The following PPP2R3B variants were observed in gnomAD, a reference collection of about 807,000 sequenced individuals.
PPP2R3B encodes serine/threonine-protein phosphatase 2A regulatory subunit B'' subunit beta.
PPP2R3B carries 68 observed loss-of-function variants against 72.9 expected under a neutral mutation model. The ratio of observed to expected loss-of-function variants is 0.93; its 90% CI spans 0.77 to 1.14. The LOEUF is 1.14. PPP2R3B is among the 50% of genes most tolerant of loss of function. The probability of loss-of-function intolerance (pLI) is 0.00; values close to 1 mark genes in which losing one functional copy is unlikely to be tolerated. For synonymous variants in PPP2R3B, 466 were observed against 375.8 expected, an observed-to-expected ratio of 1.24 and a Z score of -2.78; for missense variants, 1,018 against 842.0, an observed-to-expected ratio of 1.21 and a Z score of -2.59.
At chrX:352,566 C>CCACCTTGCTCTGTGTGGATCGTCTGCG (rs373218770) in intron 2 of PPP2R3B, among the ~76,000 whole-genome samples, 13 of 150,946 alleles carry the variant, frequency 8.6e-5, no homozygotes, top group Non-Finnish European at 1.6e-4. Context: ...GATCGTCTGC[C>CCACCTTGCTCTGTGTGGATCGTCTGCG]TGTGTACTGC....
At chrX:380,195 A>C (rs1222145597) in intron 1 of PPP2R3B, among the ~76,000 whole-genome samples, 2 of 152,214 alleles carry the variant, frequency 1.3e-5, no homozygotes, top group Non-Finnish European at 2.9e-5. Context: ...TAAGACACAA[A>C]AAATAAGAGT....
At chrX:360,469 G>T (rs2071516936) in intron 2 of PPP2R3B, among the ~76,000 whole-genome samples, 1 of 152,184 alleles carries the variant, frequency 6.6e-6, no homozygotes. Context: ...AGAAGGTGGA[G>T]GTTGCAGTGA....
chrX:373,309 G>A (rs1427731699), intron 1 of PPP2R3B, among the ~76,000 whole-genome samples: 1 of 152,218 alleles, frequency 6.6e-6, no homozygotes, highest in Non-Finnish European at 1.5e-5. Flanking sequence ...GCTTGGCACC[G>A]CTTCCCACAG....
At chrX:386,278 C>A in intron 1 of PPP2R3B, 90 bp downstream of exon 1, 1 of 1,122,862 alleles carries the variant, frequency 8.9e-7, no homozygotes, top group Non-Finnish European at 1.1e-6. Context: ...GGGTCTGACG[C>A]TCGCCCACCA....
chrX:341,506 C>G, intron 8 of PPP2R3B, 110 bp from the exon 9 acceptor site: 1 of 1,136,450 alleles, frequency 8.8e-7, no homozygotes, highest in Non-Finnish European at 1.3e-6. Context: ...GGGCCCGGCC[C>G]TCCTCCTGCC....
At position 339,023 on chromosome X, in the gene PPP2R3B, C is replaced by T. The variant is rs757716944; in HGVS notation, c.1352-127G>A. On this transcript the variant is annotated intron_variant, in intron 10 of 12. Transcript: ENST00000390665. The stretch of plus-strand genomic sequence containing the variant: ...CACGAAGCTCCGGGCTCTCACGCCA[C>T]GTGTTTGACGTGAAAGGCGGACACG... The T allele has an allele frequency of 2.6e-4, 208 of 787,124 alleles. 2 individuals are homozygous for T. Among genetic ancestry groups the T allele is most frequent in the South Asian group, 2.1e-3 (137 of 66,414 alleles). 48.8% of individuals were successfully genotyped at this position (787,124 alleles called of 1,614,324 possible).
chrX:341,908 T>C lies in PPP2R3B; in HGVS notation c.1060A>G (p.Arg354Gly), dbSNP rs768859697. 5.6e-6 allele frequency: 9 copies of C among 1,612,548 alleles called. No homozygotes were observed. The change falls in exon 8 of 13, where the codon AGG (arginine) becomes GGG (glycine). Residue 354 changes from arginine (R) to glycine (G), a missense_variant. Arg to Gly is a moderately radical substitution (Grantham distance 125, BLOSUM62 -2). Transcript: ENST00000390665. The stretch of plus-strand genomic sequence containing the variant: ...CGTGTGACTGCTCCTGAGAAGATCC[T>C]GTCTATCATCTTGGTAGAAAGGGCT... ...DHALSTKMID[R>G]IFSGAVTRGR...
At chrX:359,360 G>A (rs186232279) in intron 2 of PPP2R3B, among the ~76,000 whole-genome samples, 34 of 152,312 alleles carry the variant, frequency 2.2e-4, no homozygotes, top group Non-Finnish European at 3.5e-4. Context: ...GCCAGGGCAC[G>A]GAGCAGGTGC....
chrX:345,448 C>T lies in PPP2R3B; in HGVS notation c.1036+68G>A, dbSNP rs758130594. ...TGCGGAAGGAGAGGCAGCTGCAGAC[C>T]CGCAGGCCCTGAGAGAAGGGTGTGC... On this transcript the variant is annotated intron_variant, in intron 7 of 12. Transcript: ENST00000390665. 5.3e-5 allele frequency: 85 copies of T among 1,597,788 alleles called. 1 individual carries two copies. The South Asian group carries it at 9.1e-4, about 17-fold the overall frequency.
intron 2 of PPP2R3B, among the ~76,000 whole-genome samples, chrX:348,562 A>G (rs2071270116): frequency 7.7e-6 from 1 of 129,610 alleles, no homozygotes; most frequent in African/African-American, 2.8e-5. Flanking sequence ...GGTGACAGAG[A>G]GAGACTCTGT....
At chrX:363,077 C>T (rs150516344) in intron 1 of PPP2R3B, among the ~76,000 whole-genome samples, 1,547 of 152,206 alleles carry the variant, frequency 0.01, 32 homozygotes, top group African/African-American at 0.035. Flanking sequence ...AGGCCGCCTC[C>T]GTGACCTGGG....
At chrX:354,820 C>T (rs2071406186) in intron 2 of PPP2R3B, among the ~76,000 whole-genome samples, 1 of 152,142 alleles carries the variant, frequency 6.6e-6, no homozygotes, top group Non-Finnish European at 1.5e-5. Context: ...CCACTGCACT[C>T]CAGCCCGGGG....
chrX:352,372 G>A (rs1025638885), intron 2 of PPP2R3B, among the ~76,000 whole-genome samples: 15 of 152,344 alleles, frequency 9.8e-5, no homozygotes, highest in Non-Finnish European at 1.3e-4. Context: ...CGGCCCCTCC[G>A]CAGTCCGCTA....
chrX:346,702 G>A lies in PPP2R3B; in HGVS notation c.791C>T (p.Thr264Met), dbSNP rs777338489. The change falls in exon 5 of 13, where the codon ACG (threonine) becomes ATG (methionine). Residue 264 changes from threonine to methionine, a missense_variant and splice_region_variant. By Grantham distance (81) the Thr-to-Met change is moderately conservative. Transcript: ENST00000390665. ...ACGGCCCCTCCGCTGGGGACCCACC[G>A]TGGTGATGTAGCGCGAGTGGAACTC... Reference protein sequence around the residue: ...ASEFHSRYITTVIQRIFYAVN... With the variant: ...ASEFHSRYITMVIQRIFYAVN... 1.9e-5 allele frequency: 31 copies of A among 1,607,704 alleles called. No homozygotes were observed. Among genetic ancestry groups the A allele is most frequent in the Non-Finnish European group, 2.5e-5 (30 of 1,177,142 alleles).
intron 2 of PPP2R3B, among the ~76,000 whole-genome samples, chrX:351,011 CG>C (rs755746174): frequency 6.6e-6 from 1 of 151,822 alleles, no homozygotes; most frequent in African/African-American, 2.4e-5. Context: ...GGAGTGACCA[CG>C]GGGGGGCGTG....
At chrX:361,298 G>A (rs1303299178) in intron 2 of PPP2R3B, 107 bp downstream of exon 2, 22 of 1,244,396 alleles carry the variant, frequency 1.8e-5, no homozygotes, top group African/African-American at 4.7e-5. Flanking sequence ...CGGCCGTGCC[G>A]CCTCACTCAC....
intron 1 of PPP2R3B, among the ~76,000 whole-genome samples, chrX:364,189 C>T (rs1168453137): frequency 6.6e-6 from 1 of 152,234 alleles, no homozygotes; most frequent in East Asian, 1.9e-4. Flanking sequence ...AACGCGTCAC[C>T]TTCAGTGGGA....
chrX:360,880 C>G (rs757119867), intron 2 of PPP2R3B, among the ~76,000 whole-genome samples: 15 of 152,314 alleles, frequency 9.8e-5, no homozygotes, highest in African/African-American at 3.6e-4. Flanking sequence ...GGAGAGCATG[C>G]AGCTGAGAAG....
chrX:385,281 CTCA>C, intron 1 of PPP2R3B, among the ~76,000 whole-genome samples: 1 of 148,540 alleles, frequency 6.7e-6, no homozygotes, highest in East Asian at 2.0e-4. Flanking sequence ...AAATTCCCGT[CTCA>C]TCTTTTCTTC....
Sources: allele counts gnomAD v4.1 joint callset (sites outside exome capture counted in the v4.1 genomes callset), GRCh38; gene constraint gnomAD v4.1.1; transcripts MANE v1.5; gene names NCBI Gene and HGNC (gene_info 2026-07-23, HGNC 2026-07-21).